CDC20: variants seen among roughly 807,000 people sequenced by gnomAD.
The protein encoded by CDC20 is cell division cycle 20, also known as cell division cycle protein 20 homolog.
CDC20 carries 34 observed loss-of-function variants against 60.0 expected under a neutral mutation model. The ratio of observed to expected loss-of-function variants is 0.57; its 90% confidence interval spans 0.43 to 0.75. The LOEUF (loss-of-function observed/expected upper bound fraction) is 0.75, where lower values mean the gene tolerates loss of function less well. Among genes scored for constraint, CDC20 ranks in the 30% least tolerant of loss-of-function variants. The probability of loss-of-function intolerance (pLI) is 0.00; values close to 1 mark genes in which losing one functional copy is unlikely to be tolerated. For synonymous variants in CDC20, 198 were observed against 243.5 expected (o/e 0.81, Z 1.74); for missense variants, 469 against 647.3 (o/e 0.72, Z 2.99).
At position 43,362,965 on chromosome 1, in the gene CDC20, G is replaced by T; in HGVS notation, c.1336G>T (p.Val446Phe). The T allele has an allele frequency of 6.3e-7, 1 of 1,597,934 alleles. No individual in the cohort carries two copies. Among genetic ancestry groups the T allele is most frequent in the Non-Finnish European group, 8.5e-7 (1 of 1,175,196 alleles). ...ATTTGCTCCAGGTCACACATCCCGG[G>T]TCCTGAGTCTGACCATGAGCCCAGA... is the stretch of plus-strand genomic sequence containing the variant. ...VAELKGHTSR[V>F]LSLTMSPDGA... is the part of the protein sequence containing the mutation. The change falls in exon 11 of 11, where the codon GTC becomes TTC. Residue 446 changes from valine (V) to phenylalanine (F), a missense_variant. Physicochemically the swap from Val to Phe is conservative, Grantham distance 50. Transcript: ENST00000310955.
At position 43,360,607 on chromosome 1, in the gene CDC20, G is replaced by T; in HGVS notation, c.848+14G>T. The T allele has an allele frequency of 5.0e-6, 8 of 1,608,704 alleles. No individual in the cohort carries two copies. Among genetic ancestry groups the T allele is most frequent in the Non-Finnish European group, 6.8e-6 (8 of 1,175,022 alleles). On this transcript the variant is annotated intron_variant, in intron 7 of 10. Coordinates refer to ENST00000310955, the MANE Select transcript of CDC20 (RefSeq NM_001255.3). ...TATCCTGTCCAGGTCAGTGGTTTTT[G>T]TTGGTCTATGGTAGTCTGATATTTG...
In CDC20 at chr1:43,363,040, C is replaced by G. The variant is rs761756771; in HGVS notation, c.1411C>G (p.Arg471Gly). ...AGCAGATGAGACCCTGAGGCTATGG[C>G]GCTGTTTTGAGTTGGACCCTGCGCG... ...AAADETLRLW[R>G]CFELDPARRR... Residue 471 changes from arginine (R) to glycine (G), a missense_variant, in exon 11 of 11, where the codon CGC becomes GGC. Around this residue, in one of 5 missense-constraint regions of CDC20, gnomAD observed 72 missense variants for 77.9 expected, o/e 0.92. Coordinates refer to ENST00000310955, the MANE Select transcript of CDC20 (RefSeq NM_001255.3). 6.8e-6 allele frequency: 11 copies of G among 1,613,622 alleles called. No homozygotes were observed. The South Asian group carries it at 1.1e-4, about 16-fold the overall frequency.
Position 43,360,935 on chromosome 1 carries a change from T to C in CDC20, c.1051T>C (p.Phe351Leu). The change falls in exon 8 of 11, where the codon TTC (phenylalanine) becomes CTC (leucine). Residue 351 changes from phenylalanine to leucine, a missense_variant. Around this residue, in one of 5 missense-constraint regions of CDC20, gnomAD observed 255 missense variants for 326.7 expected, o/e 0.78. Coordinates refer to ENST00000310955, the MANE Select transcript of CDC20 (RefSeq NM_001255.3). ...GEGGWVPLQT[F>L]TQHQGAVKAV... The stretch of plus-strand genomic sequence containing the variant: ...GGGTGGCTGGGTTCCTCTGCAGACA[T>C]TCACCCAGCATCAAGGGGCTGTCAA... 1 of 1,613,820 alleles carries C rather than the reference T, an allele frequency of 6.2e-7. No individual in the cohort carries two copies. The highest frequency in any genetic ancestry group is 8.5e-7 in the Non-Finnish European group (1 of 1,179,770).
In CDC20 at chr1:43,361,039, G is replaced by A. The variant is rs536319846; in HGVS notation, c.1077+78G>A. ...CTGTTAAGGGGAGAAGGGATGGTAG[G>A]ATTGGACTGGGTTAATCTGTGACCC... On this transcript the variant is annotated intron_variant, in intron 8 of 10. Coordinates refer to ENST00000310955, the MANE Select transcript of CDC20 (RefSeq NM_001255.3). The A allele has an allele frequency of 1.9e-6, 3 of 1,602,468 alleles. No homozygotes were observed. In the African/African-American group the frequency reaches 4.0e-5, roughly 21 times the overall value.
Position 43,361,186 on chromosome 1 carries a change from A to T in CDC20, c.1144A>T (p.Ile382Phe). 6.2e-7 allele frequency: 1 copy of T among 1,613,960 alleles called. No homozygotes were observed. Among genetic ancestry groups the T allele is most frequent in the Non-Finnish European group, 8.5e-7 (1 of 1,179,900 alleles). The change falls in exon 9 of 11, where the codon ATT becomes TTT. Residue 382 changes from isoleucine (I) to phenylalanine (F), a missense_variant. Ile to Phe is a conservative substitution (Grantham distance 21, BLOSUM62 0). Transcript: ENST00000310955. Reference sequence around the variant, plus strand: ...AGGAGGGGGCACCAGTGATCGACACATTCGCATCTGGAATGTGTGCTCTGG... The same window carrying T: ...AGGAGGGGGCACCAGTGATCGACACTTTCGCATCTGGAATGTGTGCTCTGG... ...ATGGGTSDRH[I>F]RIWNVCSGAC...
Position 43,363,110 on chromosome 1 carries a change from T to C in CDC20, c.1481T>C (p.Ile494Thr), listed in dbSNP as rs777360367. The C allele has an allele frequency of 2.5e-6, 4 of 1,612,618 alleles. No individual in the cohort carries two copies. The East Asian group carries it at 8.9e-5, about 36-fold the overall frequency. Reference sequence around the variant, plus strand: ...GCCAGTGCAGCCAAAAGCAGCCTCATCCACCAAGGCATCCGCTGAAGACCA... The same window carrying C: ...GCCAGTGCAGCCAAAAGCAGCCTCACCCACCAAGGCATCCGCTGAAGACCA... ...EKASAAKSSL[I>T]HQGIR Residue 494 changes from isoleucine to threonine, a missense_variant, in exon 11 of 11, where the codon ATC (isoleucine) becomes ACC (threonine). This residue lies in a region of CDC20 where 72 missense variants were observed against 77.9 expected (regional missense o/e 0.92). Transcript: ENST00000310955.
chr1:43,361,823 C>A (rs1013215063), intron 9 of CDC20, among the ~76,000 whole-genome samples: 1 of 152,220 alleles, frequency 6.6e-6, no homozygotes, highest in African/African-American at 2.4e-5. Flanking sequence ...CCACTCCCCC[C>A]ACATTCAGCC....
At chr1:43,361,730 C>T (rs1256754005) in intron 9 of CDC20, among the ~76,000 whole-genome samples, 2 of 152,212 alleles carry the variant, frequency 1.3e-5, no homozygotes, top group Non-Finnish European at 2.9e-5. Flanking sequence ...TTATACTGTA[C>T]TGTCCTTAAA....
chr1:43,362,428 G>A (rs1647176829), intron 10 of CDC20, 116 bp downstream of exon 10: 2 of 617,040 alleles, frequency 3.2e-6, no homozygotes, highest in South Asian at 3.9e-5. Flanking sequence ...GCTGAGAGAG[G>A]GTAATGGGAA....
intron 9 of CDC20, among the ~76,000 whole-genome samples, chr1:43,361,567 C>A (rs2153922471): frequency 6.6e-6 from 1 of 152,324 alleles, no homozygotes; most frequent in South Asian, 2.1e-4. Context: ...TCCTCCTCAC[C>A]AGGATCTATC....
At position 43,360,956 on chromosome 1, in the gene CDC20, G is replaced by T; in HGVS notation, c.1072G>T (p.Val358Phe). The change falls in exon 8 of 11, where the codon GTC becomes TTC. Residue 358 changes from valine to phenylalanine, a missense_variant. This residue lies in a region of CDC20 where 255 missense variants were observed against 326.7 expected (regional missense o/e 0.78). Transcript: ENST00000310955. ...LQTFTQHQGA[V>F]KAVAWCPWQS... The stretch of plus-strand genomic sequence containing the variant: ...GACATTCACCCAGCATCAAGGGGCT[G>T]TCAAGGTGAGTAGGGTTGGGCTGAA... 2 of 1,613,158 alleles carry T rather than the reference G, an allele frequency of 1.2e-6. No individual in the cohort carries two copies. Among genetic ancestry groups the T allele is most frequent in the Non-Finnish European group, 1.7e-6 (2 of 1,179,190 alleles).
chr1:43,361,335 G>C, intron 9 of CDC20, 90 bp downstream of exon 9: 1 of 1,300,126 alleles, frequency 7.7e-7, no homozygotes. Flanking sequence ...CTATGCCCTG[G>C]TGATTCCCAA....
In CDC20 at chr1:43,359,757, C is replaced by T. The variant is rs1464084481; in HGVS notation, c.363C>T (p.Asn121=). 6 of 1,613,772 alleles carry T rather than the reference C, an allele frequency of 3.7e-6. No individual in the cohort carries two copies. Among genetic ancestry groups the T allele is most frequent in the Non-Finnish European group, 5.1e-6 (6 of 1,180,040 alleles). ...EHQKAWALNL[N]GFDVEEAKIL... is the part of the protein sequence containing the mutation. The stretch of plus-strand genomic sequence containing the variant: ...AGAAAGCCTGGGCTTTGAACCTGAA[C>T]GGTTTTGATGTAGAGGAAGCCAAGA... The change falls in exon 4 of 11, where the codon AAC becomes AAT. Residue 121 remains asparagine (N), a synonymous_variant. Coordinates refer to ENST00000310955, the MANE Select transcript of CDC20 (RefSeq NM_001255.3).
chr1:43,362,068 G>A, intron 9 of CDC20, 127 bp from the exon 10 acceptor site: 2 of 597,116 alleles, frequency 3.3e-6, no homozygotes, highest in South Asian at 2.6e-5. Context: ...AGGAACTTTT[G>A]TATGGACTAT....
At chr1:43,362,117 C>T in intron 9 of CDC20, 78 bp from the exon 10 acceptor site, 2 of 805,712 alleles carry the variant, frequency 2.5e-6, no homozygotes, top group South Asian at 3.1e-5. Context: ...TGGCAGGGTG[C>T]CTAACACTAG....
At position 43,359,734 on chromosome 1, in the gene CDC20, A is replaced by G; in HGVS notation, c.340A>G (p.Lys114Glu). ...SQTPTKKEHQ[K>E]AWALNLNGFD... ...CTACCCTTTATGCCAGGAACATCAG[A>G]AAGCCTGGGCTTTGAACCTGAACGG... The change falls in exon 4 of 11, where the codon AAA (lysine) becomes GAA (glutamate). Residue 114 changes from lysine to glutamate, a missense_variant. Lys to Glu is a moderately conservative substitution (Grantham distance 56). Transcript: ENST00000310955. 2 of 1,613,918 alleles carry G rather than the reference A, an allele frequency of 1.2e-6. No individual in the cohort carries two copies. The highest frequency in any genetic ancestry group is 1.7e-6 in the Non-Finnish European group (2 of 1,180,032).
rs1407816686 is a variant in CDC20, at chr1:43,359,195, C to G, written c.-21C>G. 1.2e-6 allele frequency: 2 copies of G among 1,611,350 alleles called. No homozygotes were observed. Among genetic ancestry groups the G allele is most frequent in the African/African-American group, 2.7e-5 (2 of 74,990 alleles). ...TCCGTAGGCACCAACTGCAAGGACC[C>G]CTCCCCCTGCGGGCGCTCCCATGGC... On this transcript the variant is annotated 5_prime_UTR_variant, in exon 2 of 11. Coordinates refer to ENST00000310955, the MANE Select transcript of CDC20 (RefSeq NM_001255.3).
chr1:43,362,225 A>G lies in CDC20; in HGVS notation c.1234A>G (p.Lys412Glu). 2.5e-6 allele frequency: 4 copies of G among 1,612,632 alleles called. No homozygotes were observed. Among genetic ancestry groups the G allele is most frequent in the Non-Finnish European group, 3.4e-6 (4 of 1,178,650 alleles). ...CTCCATCCTCTGGTCTCCCCATTACAAGGAGCTCATCTCAGGCCATGGCTT... is the reference window on the plus strand; with the variant it reads ...CTCCATCCTCTGGTCTCCCCATTACGAGGAGCTCATCTCAGGCCATGGCTT... Reference protein sequence around the residue: ...VCSILWSPHYKELISGHGFAQ... With the variant: ...VCSILWSPHYEELISGHGFAQ... Residue 412 changes from lysine to glutamate, a missense_variant, in exon 10 of 11, where the codon AAG becomes GAG. By Grantham distance (56) the Lys-to-Glu change is moderately conservative. Coordinates refer to ENST00000310955, the MANE Select transcript of CDC20 (RefSeq NM_001255.3).
Position 43,360,923 on chromosome 1 carries a change from C to T in CDC20, c.1039C>T (p.Pro347Ser). 6.2e-7 allele frequency: 1 copy of T among 1,614,002 alleles called. No homozygotes were observed. The highest frequency in any genetic ancestry group is 8.5e-7 in the Non-Finnish European group (1 of 1,179,924). ...PSAPGEGGWV[P>S]LQTFTQHQGA... is the part of the protein sequence containing the mutation. ...TGCTCCTGGAGAGGGTGGCTGGGTT[C>T]CTCTGCAGACATTCACCCAGCATCA... Residue 347 changes from proline (P) to serine (S), a missense_variant, in exon 8 of 11, where the codon CCT (proline) becomes TCT (serine). Physicochemically the swap from Pro to Ser is moderately conservative, Grantham distance 74. Around this residue, in one of 5 missense-constraint regions of CDC20, gnomAD observed 255 missense variants for 326.7 expected, o/e 0.78. Coordinates refer to ENST00000310955, the MANE Select transcript of CDC20 (RefSeq NM_001255.3).
Sources: gnomAD v4.1 joint callset for allele counts (sites outside exome capture counted in the v4.1 genomes callset) on GRCh38, gnomAD v4.1.1 for gene constraint, gnomAD v4.1.1 regional missense constraint, MANE v1.5 for transcripts, NCBI Gene and HGNC (gene_info 2026-07-23, HGNC 2026-07-21) for gene names.